SMIM22: variants seen among roughly 807,000 people sequenced by gnomAD.
SMIM22 encodes the protein small integral membrane protein 22, also known as cancer associated small integral membrane open reading frame 1.
A neutral mutation model predicts 8.4 loss-of-function variants in SMIM22; 16 were observed. The ratio of observed to expected loss-of-function variants is 1.90; its 90% confidence interval spans 1.29 to 2.89. SMIM22 has a LOEUF of 2.89. SMIM22 is among the 30% of genes most tolerant of loss of function. The pLI is 0.00. For missense variants in SMIM22, 159 were observed against 107.5 expected (o/e 1.48, Z -2.12); for synonymous variants, 67 against 47.6 (o/e 1.41, Z -1.68).
chr16:4,792,655 A>C (rs1026988236), upstream of SMIM22, among the ~76,000 whole-genome samples: 1 of 150,912 alleles, frequency 6.6e-6, no homozygotes, highest in Non-Finnish European at 1.5e-5. Context: ...CACAAAAATC[A>C]GCTGGGTGTG....
At chr16:4,792,897 GT>G (rs2082574248), upstream of SMIM22, among the ~76,000 whole-genome samples, 2 of 150,528 alleles carry the variant, frequency 1.3e-5, no homozygotes, top group Admixed American at 1.3e-4. Flanking sequence ...ATCACCTGAG[GT>G]CAGGAGTTTG....
At chr16:4,796,083 C>G in intron 3 of SMIM22, 35 bp downstream of exon 3, 1 of 1,535,144 alleles carries the variant, frequency 6.5e-7, no homozygotes, top group Non-Finnish European at 8.7e-7. Context: ...CTGCACGGAA[C>G]TGTACTGGGG....
At chr16:4,793,129 A>AAG (rs1296389428), upstream of SMIM22, among the ~76,000 whole-genome samples, 8 of 150,310 alleles carry the variant, frequency 5.3e-5, no homozygotes, top group African/African-American at 1.7e-4. Flanking sequence ...AAAAAAAAAA[A>AAG]AGGGAGGGAG....
upstream of SMIM22, among the ~76,000 whole-genome samples, chr16:4,793,683 C>T (rs1448475863): frequency 2.6e-5 from 4 of 152,348 alleles, no homozygotes; most frequent in Admixed American, 6.5e-5. Context: ...AAACAAATCA[C>T]ATCTCTATTG....
intron 2 of SMIM22, chr16:4,789,916 T>A (rs575289589): frequency 2.3e-4 from 35 of 151,778 alleles, no homozygotes; most frequent in African/African-American, 8.2e-4. Context: ...TTTCTTTCTT[T>A]TTTTTTTTTC....
chr16:4,790,279 C>CT (rs1294653815), intron 2 of SMIM22, among the ~76,000 whole-genome samples: 6 of 152,152 alleles, frequency 3.9e-5, no homozygotes, highest in African/African-American at 1.4e-4. Context: ...TACTATGCAA[C>CT]TTTTCATTGC....
chr16:4,791,780 C>T (rs538395100), upstream of SMIM22, among the ~76,000 whole-genome samples: 195 of 152,170 alleles, frequency 1.3e-3, no homozygotes, highest in African/African-American at 4.3e-3. Context: ...CTCTGCCTCC[C>T]GGGTTCAAGT....
At chr16:4,793,143 G>A (rs1457039866), upstream of SMIM22, among the ~76,000 whole-genome samples, 3 of 151,186 alleles carry the variant, frequency 2.0e-5, no homozygotes, top group Non-Finnish European at 1.5e-5. Flanking sequence ...GAGGGAGGAG[G>A]ATTAGAGTCA....
At chr16:4,789,332 CTT>C (rs1157020160) in intron 2 of SMIM22, among the ~76,000 whole-genome samples, 1 of 142,882 alleles carries the variant, frequency 7.0e-6, no homozygotes. Flanking sequence ...TCCTTTTTTT[CTT>C]TTTTTTTTTG....
upstream of SMIM22, among the ~76,000 whole-genome samples, chr16:4,792,938 A>T (rs796813547): frequency 4.0e-5 from 6 of 151,634 alleles, no homozygotes; most frequent in South Asian, 2.1e-4. Flanking sequence ...GGTGAAACCC[A>T]GTCTCTACTA....
chr16:4,791,494 A>G (rs1002191675), upstream of SMIM22, among the ~76,000 whole-genome samples: 1 of 152,132 alleles, frequency 6.6e-6, no homozygotes. Context: ...GGATACTATT[A>G]ACATACCCAT....
At chr16:4,795,532 G>C in intron 1 of SMIM22, 83 bp downstream of exon 1, 1 of 719,794 alleles carries the variant, frequency 1.4e-6, no homozygotes, top group East Asian at 2.8e-5. Flanking sequence ...GTCAGGGTAA[G>C]GACCACAGGG....
chr16:4,794,462 C>T (rs553170432), upstream of SMIM22, among the ~76,000 whole-genome samples: 4 of 150,812 alleles, frequency 2.7e-5, no homozygotes, highest in East Asian at 3.9e-4. Context: ...CTCTTGTTGC[C>T]CAGGCTGGAG....
At chr16:4,794,420 TTA>T (rs1330003797), upstream of SMIM22, among the ~76,000 whole-genome samples, 1 of 150,018 alleles carries the variant, frequency 6.7e-6, no homozygotes, top group African/African-American at 2.5e-5. Flanking sequence ...TTTTGTATTT[TTA>T]TCTTTTTTTT....
chr16:4,795,498 A>G, intron 1 of SMIM22, 49 bp downstream of exon 1: 3 of 572,124 alleles, frequency 5.2e-6, no homozygotes, highest in Middle Eastern at 4.7e-4. Context: ...GAGAGGGGAG[A>G]TGACAGTGGC....
rs1024198359 is a variant in SMIM22 at position 4,795,598 on chromosome 16, G to C, written c.-20-117G>C. ...CGAGGGAGAAGTGGAGTGGGAGGGGGTGGGGAAGCTGGCGCTGGGCCAGGA... is the reference window on the plus strand; with the variant it reads ...CGAGGGAGAAGTGGAGTGGGAGGGGCTGGGGAAGCTGGCGCTGGGCCAGGA... On this transcript the variant is annotated intron_variant, in intron 1 of 3. Transcript: ENST00000586005. The C allele has an allele frequency of 1.3e-5, 16 of 1,270,958 alleles. No homozygotes were observed. In the South Asian group the frequency reaches 2.3e-4, roughly 18 times the overall value. 78.7% of individuals were successfully genotyped at this position (1,270,958 alleles called of 1,614,324 possible).
chr16:4,796,306 T>A lies in SMIM22; in HGVS notation c.*75T>A. The A allele has an allele frequency of 6.7e-7, 1 of 1,501,936 alleles. No homozygotes were observed. Among genetic ancestry groups the A allele is most frequent in the Non-Finnish European group, 8.9e-7 (1 of 1,122,956 alleles). 93.0% of individuals were successfully genotyped at this position (1,501,936 alleles called of 1,614,324 possible). ...AGCCTGAGTCTGCAGTGTCTTCCAG[T>A]CCCCGTCTGGGTGGGTGACGCGGGA... On this transcript the variant is annotated 3_prime_UTR_variant, in exon 4 of 4. Coordinates refer to ENST00000586005, the MANE Select transcript of SMIM22 (RefSeq NM_001253794.2).
chr16:4,792,213 C>CA (rs1567584141), upstream of SMIM22, among the ~76,000 whole-genome samples: 4 of 151,402 alleles, frequency 2.6e-5, no homozygotes. Context: ...TTTTTTGAGA[C>CA]AGAGTCTCGC....
intron 2 of SMIM22, among the ~76,000 whole-genome samples, chr16:4,789,674 G>C (rs2082520298): frequency 6.6e-6 from 1 of 151,952 alleles, no homozygotes; most frequent in Non-Finnish European, 1.5e-5. Flanking sequence ...GCCCATGCTG[G>C]TCTCAAACTC....
Sources: allele counts gnomAD v4.1 joint callset (sites outside exome capture counted in the v4.1 genomes callset), GRCh38; gene constraint gnomAD v4.1.1; transcripts MANE v1.5; gene names NCBI Gene and HGNC (gene_info 2026-07-23, HGNC 2026-07-21).